Variants in ST7L observed in about 807,000 individuals in gnomAD.
The protein encoded by ST7L is suppressor of tumorigenicity 7 protein-like.
ST7L carries 57 observed loss-of-function variants against 72.5 expected under a neutral mutation model. The observed-to-expected ratio is 0.79, with a 90% confidence interval of 0.64 to 0.98. The LOEUF is 0.98. Ranked by LOEUF, ST7L falls within the 50% of genes least tolerant of loss-of-function variation. The pLI is 0.00. For synonymous variants in ST7L, 221 were observed against 240.9 expected (o/e 0.92, Z 0.77); for missense variants, 576 against 672.2 (o/e 0.86, Z 1.58).
chr1:112,594,208 G>GAA (rs11317306), intron 5 of ST7L, among the ~76,000 whole-genome samples: 3,587 of 89,536 alleles, frequency 0.04, 169 homozygotes, highest in African/African-American at 0.13. Context: ...TTATTTTACA[G>GAA]AAAAAAAAAA....
chr1:112,618,984 A>G lies in ST7L; in HGVS notation c.130T>C (p.Leu44=), dbSNP rs762674741. Reference sequence around the variant, plus strand: ...AGCCCCAGCCCCGCCACGAACCACAACGAGGCCCCAGTCCCCGCCAGCCCG... The same window carrying G: ...AGCCCCAGCCCCGCCACGAACCACAGCGAGGCCCCAGTCCCCGCCAGCCCG... ...RAGLAGTGAS[L]WFVAGLGLLY... The change falls in exon 1 of 15, where the codon TTG becomes CTG. Residue 44 remains leucine (L), a synonymous_variant. Coordinates refer to ENST00000358039, the MANE Select transcript of ST7L (RefSeq NM_017744.5). 1.9e-6 allele frequency: 3 copies of G among 1,610,910 alleles called. No individual in the cohort carries two copies. Among genetic ancestry groups the G allele is most frequent in the South Asian group, 2.2e-5 (2 of 90,560 alleles).
intron 7 of ST7L, among the ~76,000 whole-genome samples, chr1:112,583,378 A>G (rs567672908): frequency 1.8e-4 from 27 of 152,344 alleles, no homozygotes; most frequent in East Asian, 5.8e-4. Flanking sequence ...AATCTCAATC[A>G]TAACTGGTAG....
intron 13 of ST7L, among the ~76,000 whole-genome samples, chr1:112,547,090 T>C (rs1425416727): frequency 6.6e-6 from 1 of 151,930 alleles, no homozygotes; most frequent in East Asian, 1.9e-4. Context: ...CCTCCTGATA[T>C]AGGATAGATT....
chr1:112,584,435 G>T (rs992166995), intron 6 of ST7L, among the ~76,000 whole-genome samples: 6 of 151,070 alleles, frequency 4.0e-5, no homozygotes, highest in Admixed American at 6.6e-5. Context: ...TGAAAGGGGG[G>T]AGAAAAGAAG....
intron 6 of ST7L, among the ~76,000 whole-genome samples, chr1:112,589,193 A>C (rs548776051): frequency 6.6e-6 from 1 of 152,218 alleles, no homozygotes; most frequent in South Asian, 2.1e-4. Flanking sequence ...AGTTGATTTA[A>C]ACTTTGTGTC....
intron 6 of ST7L, among the ~76,000 whole-genome samples, chr1:112,587,679 T>G (rs569014221): frequency 4.6e-5 from 7 of 152,260 alleles, no homozygotes; most frequent in African/African-American, 1.7e-4. Context: ...TTTGAATCCA[T>G]TGATCTAGGT....
chr1:112,588,944 C>T (rs1446238615), intron 6 of ST7L, among the ~76,000 whole-genome samples: 1 of 152,004 alleles, frequency 6.6e-6, no homozygotes, highest in Non-Finnish European at 1.5e-5. Flanking sequence ...TAATTTTTTC[C>T]TGCTTCTTGA....
chr1:112,578,530 C>T (rs1663520642), intron 9 of ST7L, 113 bp from the exon 10 acceptor site: 1 of 902,682 alleles, frequency 1.1e-6, no homozygotes, highest in Non-Finnish European at 1.8e-6. Flanking sequence ...AATCCCAGCA[C>T]TTAGGGAGGC....
chr1:112,573,034 T>C (rs1333586807), intron 11 of ST7L, among the ~76,000 whole-genome samples: 2 of 151,480 alleles, frequency 1.3e-5, no homozygotes, highest in African/African-American at 4.8e-5. Context: ...TCAAGAAAAA[T>C]AAAACTAGCC....
At chr1:112,521,564 T>C (rs1367081529), downstream of ST7L, 1 of 152,472 alleles carries the variant, frequency 6.6e-6, no homozygotes, top group Non-Finnish European at 1.5e-5. Context: ...AGTCAGTGGC[T>C]ACAGTGGGAA....
intron 2 of ST7L, among the ~76,000 whole-genome samples, chr1:112,613,881 C>T (rs1479947986): frequency 2.0e-5 from 3 of 152,054 alleles, no homozygotes; most frequent in Non-Finnish European, 4.4e-5. Context: ...GAATGCGCCA[C>T]CACAACGCGC....
At chr1:112,560,253 G>A (rs1659890174) in intron 11 of ST7L, among the ~76,000 whole-genome samples, 1 of 152,068 alleles carries the variant, frequency 6.6e-6, no homozygotes, top group Non-Finnish European at 1.5e-5. Flanking sequence ...AATTAGCTGG[G>A]CGTGGTGGCG....
At chr1:112,550,869 A>G (rs1258110706) in intron 12 of ST7L, among the ~76,000 whole-genome samples, 176 bp from the exon 13 acceptor site, 1 of 152,182 alleles carries the variant, frequency 6.6e-6, no homozygotes, top group Non-Finnish European at 1.5e-5. Flanking sequence ...ATTTATTTAG[A>G]TAATAGTGAA....
At chr1:112,518,644 G>C (rs1369613074), downstream of ST7L, among the ~76,000 whole-genome samples, 1 of 152,160 alleles carries the variant, frequency 6.6e-6, no homozygotes, top group Admixed American at 6.5e-5. Flanking sequence ...CATAACATCT[G>C]AGGTGTAAAC....
intron 14 of ST7L, among the ~76,000 whole-genome samples, chr1:112,530,641 C>T (rs1379510867): frequency 6.6e-6 from 1 of 152,140 alleles, no homozygotes; most frequent in Non-Finnish European, 1.5e-5. Context: ...TCTCAAACTC[C>T]TGACCTCAGA....
intron 11 of ST7L, among the ~76,000 whole-genome samples, chr1:112,570,545 G>GTATATATATATATA (rs71584748): frequency 0.018 from 2,282 of 129,784 alleles, 20 homozygotes; most frequent in Non-Finnish European, 0.025. Flanking sequence ...AATAAAAGAT[G>GTATATATATATATA]TATATATATA....
At chr1:112,540,968 T>C (rs1655998552) in intron 14 of ST7L, 1 of 736,830 alleles carries the variant, frequency 1.4e-6, no homozygotes. Flanking sequence ...TTTGAGCCAG[T>C]GACATTAATA....
At chr1:112,540,807 T>C in intron 14 of ST7L, 1 of 1,288,758 alleles carries the variant, frequency 7.8e-7, no homozygotes, top group Non-Finnish European at 1.0e-6. Flanking sequence ...TCCATGGTTC[T>C]CAGTGTTTTC....
chr1:112,597,832 C>T (rs984619191), intron 5 of ST7L, 139 bp downstream of exon 5: 22 of 462,440 alleles, frequency 4.8e-5, no homozygotes, highest in Non-Finnish European at 7.3e-5. Flanking sequence ...ATAATTTAAT[C>T]TGAGTTTGTT....
Sources: allele counts gnomAD v4.1 joint callset (sites outside exome capture counted in the v4.1 genomes callset), GRCh38; gene constraint gnomAD v4.1.1; transcripts MANE v1.5; gene names NCBI Gene and HGNC (gene_info 2026-07-23, HGNC 2026-07-21).